Variants in MEP1A observed in about 807,000 individuals in gnomAD.
The protein encoded by MEP1A is meprin A subunit alpha, also known as N-benzoyl-L-tyrosyl-P-amino-benzoic acid hydrolase subunit alpha.
A neutral mutation model predicts 84.5 loss-of-function variants in MEP1A; 68 were observed. The ratio of observed to expected loss-of-function variants is 0.80; its 90% CI spans 0.66 to 0.98. The LOEUF (loss-of-function observed/expected upper bound fraction) is 0.98, where lower values mean the gene tolerates loss of function less well. MEP1A is among the 50% of genes least tolerant of loss of function. The pLI, the probability that MEP1A is intolerant of heterozygous loss-of-function variation, is 0.00. For synonymous variants in MEP1A, 337 were observed against 336.8 expected (o/e 1.00, Z -0.01); for missense variants, 887 against 919.9 (o/e 0.96, Z 0.46).
At chr6:46,798,557 A>C (rs1318223924) in intron 3 of MEP1A, 49 bp from the exon 4 acceptor site, 1 of 1,449,910 alleles carries the variant, frequency 6.9e-7, no homozygotes, top group African/African-American at 1.4e-5. Context: ...GATGCCTTTT[A>C]ATAATGTTCA....
At position 46,825,064 on chromosome 6, in the gene MEP1A, AAATAAATCTATTTAAATATT is replaced by A. The variant is rs1388069259; in HGVS notation, c.557-207_557-188del. On this transcript the variant is annotated intron_variant, in intron 7 of 13. Transcript: ENST00000230588. ...TTAAATATTTATAAATTATGTATTT[AAATAAATCTATTTAAATATT>A]TATAAATTATGTATTTAAATAAATC... Among the ~76,000 whole-genome samples, 169 of 83,798 alleles carry A rather than the reference AAATAAATCTATTTAAATATT, an allele frequency of 2.0e-3. 11 individuals are homozygous for A. The highest frequency in any genetic ancestry group is 6.0e-3 in the African/African-American group (165 of 27,288). The allele number at this position is 83,798 out of a possible 152,430, so 55.0% of individuals were successfully genotyped here. A position where few individuals can be genotyped will look rare whatever the true frequency, so the allele number is the denominator to read the frequency against.
At position 46,835,528 on chromosome 6, in the gene MEP1A, T is replaced by G; in HGVS notation, c.2063T>G (p.Val688Gly). ...PCQNDGICVN[V>G]KGMASCRCIS... ...CAAAATGACGGCATCTGTGTGAACG[T>G]GAAGGGGATGGCGAGCTGCAGGTAG... The change falls in exon 13 of 14, where the codon GTG becomes GGG. Residue 688 changes from valine (V) to glycine (G), a missense_variant. Transcript: ENST00000230588. The G allele has an allele frequency of 1.2e-6, 2 of 1,613,534 alleles. No individual in the cohort carries two copies. The highest frequency in any genetic ancestry group is 1.7e-6 in the Non-Finnish European group (2 of 1,179,760).
downstream of MEP1A, among the ~76,000 whole-genome samples, chr6:46,842,424 G>C (rs866392828): frequency 1.3e-4 from 20 of 152,268 alleles, no homozygotes; most frequent in South Asian, 8.3e-4. Flanking sequence ...TGCATTCCTG[G>C]GGGGAGGTCT....
At chr6:46,804,289 T>G (rs1004699808) in intron 5 of MEP1A, among the ~76,000 whole-genome samples, 4 of 151,752 alleles carry the variant, frequency 2.6e-5, no homozygotes, top group African/African-American at 9.7e-5. Context: ...GGAAATAGAA[T>G]TTCGGTTTAT....
chr6:46,810,902 G>A (rs1353698209), intron 6 of MEP1A, among the ~76,000 whole-genome samples: 8 of 152,106 alleles, frequency 5.3e-5, no homozygotes, highest in African/African-American at 1.9e-4. Flanking sequence ...TGGGTAACGT[G>A]ATGACTCCAG....
At chr6:46,806,122 A>G (rs1182636651) in intron 5 of MEP1A, among the ~76,000 whole-genome samples, 1 of 151,988 alleles carries the variant, frequency 6.6e-6, no homozygotes, top group Non-Finnish European at 1.5e-5. Context: ...CCATTAAATT[A>G]TGTAACAAGT....
intron 5 of MEP1A, among the ~76,000 whole-genome samples, chr6:46,800,800 G>A (rs1038636208): frequency 2.0e-5 from 3 of 152,088 alleles, no homozygotes; most frequent in Non-Finnish European, 4.4e-5. Context: ...TTTCTAGGCA[G>A]TTCCCATCCC....
chr6:46,824,837 T>A (rs1287276331), intron 7 of MEP1A, among the ~76,000 whole-genome samples: 1 of 75,722 alleles, frequency 1.3e-5, no homozygotes, highest in Non-Finnish European at 2.4e-5. Flanking sequence ...TTTAAATATA[T>A]ATAAATTATA....
Position 46,833,533 on chromosome 6 carries a change from C to T in MEP1A, c.1604C>T (p.Ser535Phe). Residue 535 changes from serine (S) to phenylalanine (F), a missense_variant, in exon 11 of 14, where the codon TCT becomes TTT. Coordinates refer to ENST00000230588, the MANE Select transcript of MEP1A (RefSeq NM_005588.3). Reference sequence around the variant, plus strand: ...TTCACTACCTCGAAGTCGCACACATCTCCAGGTGGGTGGTGTCAGCGCAAA... The same window carrying T: ...TTCACTACCTCGAAGTCGCACACATTTCCAGGTGGGTGGTGTCAGCGCAAA... Reference protein sequence around the residue: ...MVFTTSKSHTSPAINDTVIWD... With the variant: ...MVFTTSKSHTFPAINDTVIWD... The T allele has an allele frequency of 6.2e-7, 1 of 1,612,882 alleles. No homozygotes were observed.
chr6:46,811,667 G>A (rs1767501949), intron 6 of MEP1A, among the ~76,000 whole-genome samples: 1 of 151,890 alleles, frequency 6.6e-6, no homozygotes, highest in African/African-American at 2.4e-5. Flanking sequence ...TTTTGCTGAG[G>A]TTTTTAATCA....
rs1470777138 is a variant in MEP1A at position 46,833,103 on chromosome 6, C to A, written c.1174C>A (p.His392Asn). 1.3e-6 allele frequency: 2 copies of A among 1,532,090 alleles called. No individual in the cohort carries two copies. Among genetic ancestry groups the A allele is most frequent in the Non-Finnish European group, 1.7e-6 (2 of 1,143,960 alleles). The allele number at this position is 1,532,090 out of a possible 1,614,324, so 94.9% of individuals were successfully genotyped here. A position where few individuals can be genotyped will look rare whatever the true frequency, so the allele number is the denominator to read the frequency against. The change falls in exon 11 of 14, where the codon CAT becomes AAT. Residue 392 changes from histidine (H) to asparagine (N), a missense_variant. His to Asn is a moderately conservative substitution (Grantham distance 68). Coordinates refer to ENST00000230588, the MANE Select transcript of MEP1A (RefSeq NM_005588.3). ...TGATGACCACAATTGGAAAATTGCCCATGTGGTGCTCAAAGAGGAACAGAA... is the reference window on the plus strand; with the variant it reads ...TGATGACCACAATTGGAAAATTGCCAATGTGGTGCTCAAAGAGGAACAGAA... ...GDDDHNWKIA[H>N]VVLKEEQKFR...
At chr6:46,797,977 T>A (rs1767103822) in intron 3 of MEP1A, among the ~76,000 whole-genome samples, 1 of 150,118 alleles carries the variant, frequency 6.7e-6, no homozygotes, top group Non-Finnish European at 1.5e-5. Flanking sequence ...TTCCTCTTTC[T>A]TTTTTTGTGA....
At chr6:46,817,558 A>C (rs1767668873) in intron 6 of MEP1A, among the ~76,000 whole-genome samples, 1 of 152,180 alleles carries the variant, frequency 6.6e-6, no homozygotes, top group South Asian at 2.1e-4. Context: ...TTTTCATTGA[A>C]AACGTCAGAG....
At chr6:46,793,496 T>C (rs1233674278) in intron 1 of MEP1A, 29 bp downstream of exon 1, 4 of 1,599,948 alleles carry the variant, frequency 2.5e-6, no homozygotes, top group African/African-American at 1.3e-5. Flanking sequence ...TTTGGATATT[T>C]AGAAATATTA....
downstream of MEP1A, among the ~76,000 whole-genome samples, chr6:46,841,207 G>T (rs10755731): frequency 0.36 from 54,976 of 152,068 alleles, 10,283 homozygotes; most frequent in Middle Eastern, 0.47. Flanking sequence ...TAATGATAAG[G>T]AGGTACCAGA....
In MEP1A at chr6:46,835,340, C is replaced by T. The variant is rs145035582; in HGVS notation, c.1875C>T (p.Val625=). 1.2e-5 allele frequency: 20 copies of T among 1,609,852 alleles called. No homozygotes were observed. Among genetic ancestry groups the T allele is most frequent in the African/African-American group, 9.4e-5 (7 of 74,822 alleles). Residue 625 remains valine, a synonymous_variant, in exon 13 of 14, where the codon GTC becomes GTT. Coordinates refer to ENST00000230588, the MANE Select transcript of MEP1A (RefSeq NM_005588.3). ...GLILQGQEQQ[V]SEEGSGKAML... is the part of the protein sequence containing the mutation. ...TTCTCCAAGGCCAGGAGCAGCAGGT[C>T]TCCGAAGAAGGTTCGGGAAAGGCCA...
chr6:46,841,619 A>G (rs1226996908), downstream of MEP1A, among the ~76,000 whole-genome samples: 3 of 152,218 alleles, frequency 2.0e-5, no homozygotes, highest in Non-Finnish European at 4.4e-5. Flanking sequence ...AATCTTACAT[A>G]GTGGGAATAA....
intron 9 of MEP1A, 138 bp downstream of exon 9, chr6:46,826,641 A>T (rs1767955015): frequency 2.9e-6 from 2 of 697,344 alleles, no homozygotes; most frequent in Non-Finnish European, 2.1e-6. Context: ...AACATTTCTT[A>T]TATCTTCATT....
chr6:46,837,313 G>A (rs1768236379), intron 13 of MEP1A, among the ~76,000 whole-genome samples: 1 of 152,102 alleles, frequency 6.6e-6, no homozygotes, highest in Admixed American at 6.5e-5. Context: ...GATTTATTTT[G>A]TTGCTTCTAT....
Sources: allele counts gnomAD v4.1 joint callset (sites outside exome capture counted in the v4.1 genomes callset), GRCh38; gene constraint gnomAD v4.1.1; transcripts MANE v1.5; gene names NCBI Gene and HGNC (gene_info 2026-07-23, HGNC 2026-07-21).